Variants in SPACA7 observed in about 807,000 individuals in gnomAD.
The protein encoded by SPACA7 is sperm acrosome-associated protein 7.
SPACA7 carries 19 observed loss-of-function variants against 26.3 expected under a neutral mutation model. The observed-to-expected ratio is 0.72, with a 90% CI of 0.50 to 1.06. SPACA7 has a LOEUF of 1.06. SPACA7 is among the 50% of genes least tolerant of loss of function. The pLI, the probability that SPACA7 is intolerant of heterozygous loss-of-function variation, is 0.00. For synonymous variants in SPACA7, 84 were observed against 84.5 expected, an observed-to-expected ratio of 0.99 and a Z score of 0.04; for missense variants, 211 against 229.9, an observed-to-expected ratio of 0.92 and a Z score of 0.53.
chr13:112,403,152 T>G (rs1885754344), intron 5 of SPACA7, among the ~76,000 whole-genome samples: 1 of 152,164 alleles, frequency 6.6e-6, no homozygotes, highest in Non-Finnish European at 1.5e-5. Context: ...ATAACTTTAT[T>G]TCTTCTAGGA....
chr13:112,383,635 C>T (rs1196847063), intron 1 of SPACA7, among the ~76,000 whole-genome samples: 1 of 152,126 alleles, frequency 6.6e-6, no homozygotes, highest in Admixed American at 6.5e-5. Flanking sequence ...TTCTTGAGGT[C>T]CCAAGATATC....
At chr13:112,434,354 C>A in intron 6 of SPACA7, 131 bp from the exon 7 acceptor site, 1 of 753,768 alleles carries the variant, frequency 1.3e-6, no homozygotes, top group Admixed American at 2.2e-5. Context: ...GACACATCCG[C>A]AGGGCTCTCC....
At chr13:112,392,793 G>A (rs1884977541) in intron 1 of SPACA7, among the ~76,000 whole-genome samples, 1 of 152,092 alleles carries the variant, frequency 6.6e-6, no homozygotes, top group Non-Finnish European at 1.5e-5. Flanking sequence ...CATCCTCACA[G>A]CCACCCCGGA....
At chr13:112,399,277 C>A (rs1184902286) in intron 4 of SPACA7, 104 bp downstream of exon 4, 2 of 728,254 alleles carry the variant, frequency 2.7e-6, no homozygotes, top group Non-Finnish European at 5.0e-6. Context: ...GAGGATAAAC[C>A]CTTGGTGGGA....
chr13:112,401,792 A>G (rs1396349623), intron 5 of SPACA7, among the ~76,000 whole-genome samples: 1 of 152,172 alleles, frequency 6.6e-6, no homozygotes, highest in Non-Finnish European at 1.5e-5. Flanking sequence ...TCCTAATTTT[A>G]TATTTTTATG....
intron 5 of SPACA7, among the ~76,000 whole-genome samples, chr13:112,423,715 T>C (rs572205716): frequency 6.6e-5 from 10 of 152,200 alleles, no homozygotes; most frequent in Non-Finnish European, 1.5e-4. Flanking sequence ...AATCACAGTA[T>C]GTTCTAAAGG....
At chr13:112,385,450 A>G (rs1002938249) in intron 1 of SPACA7, among the ~76,000 whole-genome samples, 2 of 152,220 alleles carry the variant, frequency 1.3e-5, no homozygotes, top group African/African-American at 4.8e-5. Context: ...AGCTATTTTA[A>G]TTATGTACTA....
intron 1 of SPACA7, among the ~76,000 whole-genome samples, chr13:112,392,249 G>A (rs1415459452): frequency 6.6e-6 from 1 of 152,218 alleles, no homozygotes; most frequent in Non-Finnish European, 1.5e-5. Context: ...CAAGGAGAAA[G>A]CAGTGCTCAG....
At chr13:112,382,086 C>T (rs1210112873) in intron 1 of SPACA7, among the ~76,000 whole-genome samples, 7 of 152,142 alleles carry the variant, frequency 4.6e-5, no homozygotes, top group Admixed American at 4.6e-4. Context: ...TAGGTTTCTC[C>T]CAAGGTTAGT....
chr13:112,432,626 G>C, intron 6 of SPACA7, 105 bp downstream of exon 6: 2 of 826,832 alleles, frequency 2.4e-6, no homozygotes, highest in Non-Finnish European at 4.0e-6. Context: ...GGTGAGCCCA[G>C]CCCCCAGGTG....
chr13:112,382,250 T>TTGTTC, intron 1 of SPACA7: 1 of 534,354 alleles, frequency 1.9e-6, no homozygotes, highest in Non-Finnish European at 3.2e-6. Flanking sequence ...ATCTTTTTTG[T>TTGTTC]TGTTTTGTTT....
chr13:112,393,914 A>T (rs1885062641), intron 2 of SPACA7, among the ~76,000 whole-genome samples: 1 of 150,610 alleles, frequency 6.6e-6, no homozygotes, highest in African/African-American at 2.4e-5. Context: ...TGAACCCTGG[A>T]GGCAGAGGTT....
chr13:112,401,717 A>G (rs561336978), intron 5 of SPACA7, among the ~76,000 whole-genome samples: 1 of 152,292 alleles, frequency 6.6e-6, no homozygotes, highest in East Asian at 1.9e-4. Context: ...TATTTATAGG[A>G]CTTCATCTGC....
At chr13:112,415,663 C>T (rs1886644982) in intron 5 of SPACA7, among the ~76,000 whole-genome samples, 1 of 152,172 alleles carries the variant, frequency 6.6e-6, no homozygotes, top group African/African-American at 2.4e-5. Flanking sequence ...TCTATGGCCC[C>T]TGCATCTGGT....
intron 1 of SPACA7, among the ~76,000 whole-genome samples, chr13:112,383,084 A>C (rs56915556): frequency 1.0e-5 from 1 of 96,030 alleles, no homozygotes; most frequent in African/African-American, 3.9e-5. Flanking sequence ...AAGAAAGAAA[A>C]AGAAAGAAAG....
At chr13:112,383,786 C>A (rs1884361120) in intron 1 of SPACA7, among the ~76,000 whole-genome samples, 1 of 152,178 alleles carries the variant, frequency 6.6e-6, no homozygotes, top group African/African-American at 2.4e-5. Flanking sequence ...AACTTTGATT[C>A]TTTAAAGAAG....
intron 1 of SPACA7, 131 bp downstream of exon 1, chr13:112,376,610 T>A: frequency 1.0e-6 from 1 of 989,154 alleles, no homozygotes; most frequent in Non-Finnish European, 1.4e-6. Context: ...GGAATGAATG[T>A]AGCTGAAAAG....
intron 5 of SPACA7, among the ~76,000 whole-genome samples, chr13:112,406,027 T>G (rs1885966715): frequency 1.3e-5 from 2 of 152,222 alleles, no homozygotes; most frequent in South Asian, 4.1e-4. Flanking sequence ...TATTTTTTAG[T>G]TTACCATTTA....
chr13:112,430,154 C>G lies in SPACA7; in HGVS notation c.446-2290C>G, dbSNP rs575335562. Among the ~76,000 whole-genome samples, 6 of 140,484 alleles carry G rather than the reference C, an allele frequency of 4.3e-5. No homozygotes were observed. In the East Asian group the frequency reaches 9.9e-4, roughly 23 times the overall value. The allele number at this position is 140,484 out of a possible 152,430, so 92.2% of individuals were successfully genotyped here. On this transcript the variant is annotated intron_variant, in intron 5 of 6. Coordinates refer to ENST00000283550, the MANE Select transcript of SPACA7 (RefSeq NM_145248.5). Reference sequence around the variant, plus strand: ...CCAGTAATCAGCTGAAGGCTCAAGGCATCCCTTGCATCTCTCTCTCTGTGT... The same window carrying G: ...CCAGTAATCAGCTGAAGGCTCAAGGGATCCCTTGCATCTCTCTCTCTGTGT...
Sources: gnomAD v4.1 joint callset for allele counts (sites outside exome capture counted in the v4.1 genomes callset) on GRCh38, gnomAD v4.1.1 for gene constraint, MANE v1.5 for transcripts, NCBI Gene and HGNC (gene_info 2026-07-23, HGNC 2026-07-21) for gene names.